The following CCDC158 variants were observed in gnomAD, a reference collection of about 807,000 sequenced individuals.
CCDC158 encodes the protein coiled-coil domain-containing protein 158.
A neutral mutation model predicts 138.6 loss-of-function variants in CCDC158; 116 were observed. The observed-to-expected ratio is 0.84, with a 90% CI of 0.72 to 0.98. CCDC158 has a LOEUF of 0.98. Ranked by LOEUF, CCDC158 falls within the 50% of genes least tolerant of loss-of-function variation. CCDC158 has a pLI of 0.00. For synonymous variants in CCDC158, 436 were observed against 442.4 expected (o/e 0.99, Z 0.18); for missense variants, 1,265 against 1,306.1 (o/e 0.97, Z 0.48).
intron 3 of CCDC158, among the ~76,000 whole-genome samples, chr4:76,397,362 G>A (rs928710293): frequency 2.6e-5 from 4 of 152,030 alleles, no homozygotes; most frequent in Admixed American, 2.0e-4. Flanking sequence ...TTATTTCTGA[G>A]CCATATAAAT....
chr4:76,358,522 T>C (rs1008897341), intron 13 of CCDC158, among the ~76,000 whole-genome samples: 4 of 152,192 alleles, frequency 2.6e-5, no homozygotes, highest in Non-Finnish European at 5.9e-5. Flanking sequence ...CCTTATTTCT[T>C]AGCCCTCATT....
Position 76,362,255 on chromosome 4 carries a change from C to A in CCDC158, c.1891G>T (p.Glu631Ter). The change falls in exon 13 of 25, where the codon GAG becomes TAG. Residue 631 changes from glutamate (E) to a stop codon, truncating the protein, a stop_gained. Transcript: ENST00000682701. LOFTEE classifies it high-confidence loss of function. ...RELEARVSDLELEKVKLVNAG... is the reference protein window; with the variant it reads ...RELEARVSDL ...TTCACCAGCTTCACCTTTTCCAGCT[C>A]CAAGTCACTCACTCTGGCCTCAAGC... is the stretch of plus-strand genomic sequence containing the variant. 1 of 1,614,152 alleles carries A rather than the reference C, an allele frequency of 6.2e-7. No individual in the cohort carries two copies. The highest frequency in any genetic ancestry group is 1.1e-5 in the South Asian group (1 of 91,086).
chr4:76,343,751 A>G (rs1722278878), intron 18 of CCDC158, among the ~76,000 whole-genome samples: 1 of 152,190 alleles, frequency 6.6e-6, no homozygotes. Flanking sequence ...CAGTGAGCCG[A>G]GATCATGCAA....
chr4:76,375,592 G>T lies in CCDC158; in HGVS notation c.1029+3698C>A, dbSNP rs7685091. On this transcript the variant is annotated intron_variant, in intron 9 of 24. Coordinates refer to ENST00000682701, the MANE Select transcript of CCDC158 (RefSeq NM_001394954.1). The stretch of plus-strand genomic sequence containing the variant: ...AAAAATAAATGCTGAATCAACATCA[G>T]GAGATATTTTTGTTGTCAAAAAGCG... The T allele has an allele frequency of 9.5e-3, 6,641 of 702,678 alleles. 305 individuals carry two copies. The African/African-American group carries it at 0.1, about 11-fold the overall frequency. The allele number at this position is 702,678 out of a possible 1,614,324, so 43.5% of individuals were successfully genotyped here. A position where few individuals can be genotyped will look rare whatever the true frequency, so the allele number is the denominator to read the frequency against.
chr4:76,360,343 G>A (rs947352008), intron 13 of CCDC158, among the ~76,000 whole-genome samples: 1 of 152,242 alleles, frequency 6.6e-6, no homozygotes, highest in African/African-American at 2.4e-5. Flanking sequence ...CCCCCACACA[G>A]AGTCTGCACT....
At chr4:76,361,163 G>C (rs1006937147) in intron 13 of CCDC158, among the ~76,000 whole-genome samples, 10 of 152,144 alleles carry the variant, frequency 6.6e-5, no homozygotes, top group Admixed American at 5.9e-4. Context: ...ATATGTGCTT[G>C]CTTCTCCTTC....
In CCDC158 at chr4:76,420,934, C is replaced by T. The variant is rs147938347; in HGVS notation, c.-117+31G>A. Among the ~76,000 whole-genome samples, 142 of 152,282 alleles carry T rather than the reference C, an allele frequency of 9.3e-4. 1 individual carries two copies. The highest frequency in any genetic ancestry group is 3.4e-3 in the Middle Eastern group (1 of 294). ...AAGAACCCCACTCCCACCCCACCAT[C>T]CTCGTCTCCCGGGCCGCGCCCCGCT... On this transcript the variant is annotated intron_variant, in intron 1 of 24. Transcript: ENST00000682701.
intron 18 of CCDC158, among the ~76,000 whole-genome samples, chr4:76,343,278 T>A (rs1722231172): frequency 6.6e-6 from 1 of 152,094 alleles, no homozygotes; most frequent in South Asian, 2.1e-4. Context: ...TATAGAAAAT[T>A]TTTGGGTCCT....
At chr4:76,366,081 C>A (rs1724626680) in intron 12 of CCDC158, among the ~76,000 whole-genome samples, 1 of 152,136 alleles carries the variant, frequency 6.6e-6, no homozygotes, top group African/African-American at 2.4e-5. Context: ...CTGTTTAGAA[C>A]CTTAACACAC....
chr4:76,319,691 C>T lies in CCDC158; in HGVS notation c.3277+3611G>A, dbSNP rs1283854242. ...CACAAACAGAATTGAAAACAATAAT[C>T]ATATCATCATCTCAAAAAATGCAGA... On this transcript the variant is annotated intron_variant, in intron 24 of 24. Coordinates refer to ENST00000682701, the MANE Select transcript of CCDC158 (RefSeq NM_001394954.1). Among the ~76,000 whole-genome samples, 3 of 151,180 alleles carry T rather than the reference C, an allele frequency of 2.0e-5. No individual in the cohort carries two copies. In the East Asian group the frequency reaches 5.8e-4, roughly 29 times the overall value.
chr4:76,315,667 A>T (rs184746354), intron 24 of CCDC158, among the ~76,000 whole-genome samples: 2 of 152,340 alleles, frequency 1.3e-5, no homozygotes, highest in Admixed American at 1.3e-4. Context: ...TATTTGATTA[A>T]GCCAGGACAC....
chr4:76,313,953 G>A (rs1719128760), intron 24 of CCDC158, among the ~76,000 whole-genome samples: 1 of 152,142 alleles, frequency 6.6e-6, no homozygotes, highest in South Asian at 2.1e-4. Context: ...TTAGTAAACA[G>A]ACTAAAAAAG....
chr4:76,404,234 T>C (rs1728636857), intron 2 of CCDC158, among the ~76,000 whole-genome samples: 2 of 152,014 alleles, frequency 1.3e-5, no homozygotes, highest in Non-Finnish European at 2.9e-5. Context: ...CCACTACCCA[T>C]AAAGAAAGTG....
chr4:76,398,837 C>G (rs1560473269), intron 3 of CCDC158, among the ~76,000 whole-genome samples: 2 of 149,352 alleles, frequency 1.3e-5, no homozygotes, highest in African/African-American at 4.9e-5. Context: ...GAGAAACATA[C>G]AGAGAGAGAG....
intron 15 of CCDC158, 81 bp downstream of exon 15, chr4:76,355,243 T>A: frequency 1.1e-6 from 1 of 882,924 alleles, no homozygotes; most frequent in Non-Finnish European, 1.9e-6. Flanking sequence ...TGCACTTGCA[T>A]CTCTGCTTCA....
chr4:76,328,795 G>T (rs1033964815), intron 22 of CCDC158, 105 bp downstream of exon 22: 3 of 837,048 alleles, frequency 3.6e-6, no homozygotes, highest in East Asian at 5.0e-5. Context: ...TGAGGCCAGA[G>T]AGTTAAAAAG....
chr4:76,407,034 C>T (rs1728881575), intron 2 of CCDC158, among the ~76,000 whole-genome samples: 1 of 152,030 alleles, frequency 6.6e-6, no homozygotes, highest in African/African-American at 2.4e-5. Flanking sequence ...AATCTTCATT[C>T]TCTAAAAAAC....
At chr4:76,387,454 A>G (rs1726906728) in intron 4 of CCDC158, among the ~76,000 whole-genome samples, 1 of 152,114 alleles carries the variant, frequency 6.6e-6, no homozygotes, top group African/African-American at 2.4e-5. Flanking sequence ...TGAGAAGCTG[A>G]GGTAGGCAGA....
In CCDC158 at chr4:76,360,343, G is replaced by C. The variant is rs947352008; in HGVS notation, c.2020+1783C>G. Among the ~76,000 whole-genome samples the C allele has an allele frequency of 5.3e-5, 8 of 152,360 alleles. No homozygotes were observed. The East Asian group carries it at 9.6e-4, about 18-fold the overall frequency. The stretch of plus-strand genomic sequence containing the variant: ...AATGTGGGGTTGGGGCCCCCACACA[G>C]AGTCTGCACTGGAGCACTGCCCAGT... On this transcript the variant is annotated intron_variant, in intron 13 of 24. Transcript: ENST00000682701.
Sources: gnomAD v4.1 joint callset for allele counts (sites outside exome capture counted in the v4.1 genomes callset) on GRCh38, gnomAD v4.1.1 for gene constraint, MANE v1.5 for transcripts, NCBI Gene and HGNC (gene_info 2026-07-23, HGNC 2026-07-21) for gene names.